The following ARNT variants were observed in gnomAD, a reference collection of about 807,000 sequenced individuals.
ARNT encodes the protein aryl hydrocarbon receptor nuclear translocator, also known as class E basic helix-loop-helix protein 2.
ARNT carries 30 observed loss-of-function variants against 105.0 expected under a neutral mutation model. That is an observed-to-expected ratio of 0.29 (90% CI 0.21 to 0.39). The LOEUF is 0.39. ARNT is among the 10% of genes least tolerant of loss of function. The probability of loss-of-function intolerance (pLI) is 1.00; values close to 1 mark genes in which losing one functional copy is unlikely to be tolerated. For synonymous variants in ARNT, 304 were observed against 344.0 expected (o/e 0.88, Z 1.29); for missense variants, 748 against 978.7 (o/e 0.76, Z 3.15).
Position 150,816,391 on chromosome 1 carries a change from G to A in ARNT, c.1818C>T (p.Ala606=). The A allele has an allele frequency of 6.2e-7, 1 of 1,605,452 alleles. No individual in the cohort carries two copies. The highest frequency in any genetic ancestry group is 8.5e-7 in the Non-Finnish European group (1 of 1,177,656). ...ATGGCTGGACAATGGTTACAGGAGG[G>A]GCTAGGCCACTATTCCTAGGAGTGA... is the stretch of plus-strand genomic sequence containing the variant. The part of the protein sequence containing the change: ...PAENFRNSGL[A]PPVTIVQPSA... The change falls in exon 19 of 22, where the codon GCC becomes GCT. Residue 606 remains alanine (A), a synonymous_variant. Coordinates refer to ENST00000358595, the MANE Select transcript of ARNT (RefSeq NM_001668.4).
chr1:150,856,691 A>T (rs749127284), intron 2 of ARNT, among the ~76,000 whole-genome samples: 133 of 152,282 alleles, frequency 8.7e-4, no homozygotes, highest in Non-Finnish European at 1.3e-3. Flanking sequence ...TGAACCAGAG[A>T]GGTGGAGATT....
At chr1:150,833,349 A>G (rs190345163) in intron 8 of ARNT, among the ~76,000 whole-genome samples, 107 of 152,126 alleles carry the variant, frequency 7.0e-4, no homozygotes, top group Admixed American at 2.1e-3. Flanking sequence ...CTAAAAATAC[A>G]AAAATTAGCC....
At chr1:150,812,230 T>A (rs1654878619) in intron 21 of ARNT, 120 bp from the exon 22 acceptor site, 6 of 625,438 alleles carry the variant, frequency 9.6e-6, no homozygotes, top group Non-Finnish European at 1.4e-5. Flanking sequence ...TGTGCTGAGC[T>A]CTTAGCCTTC....
At chr1:150,823,796 C>T (rs192309979) in intron 13 of ARNT, among the ~76,000 whole-genome samples, 5 of 143,996 alleles carry the variant, frequency 3.5e-5, no homozygotes, top group Admixed American at 1.4e-4. Context: ...GTGATCCGCC[C>T]GCCTCGGCCT....
intron 19 of ARNT, among the ~76,000 whole-genome samples, chr1:150,814,797 C>T (rs915578030): frequency 2.0e-5 from 3 of 152,088 alleles, no homozygotes; most frequent in Non-Finnish European, 4.4e-5. Context: ...GAGCCAAGAT[C>T]GCGCCACTGC....
Position 150,809,804 on chromosome 1 carries a change from C to T in ARNT, c.*2217G>A, listed in dbSNP as rs1199423217. On this transcript the variant is annotated 3_prime_UTR_variant, in exon 22 of 22. Transcript: ENST00000358595. ...TGGTTTTCAAGTCCCGACTCTTCCCCTCTCTCCCAAGAACCCAGGCAACGC... is the reference window on the plus strand; with the variant it reads ...TGGTTTTCAAGTCCCGACTCTTCCCTTCTCTCCCAAGAACCCAGGCAACGC... The T allele has an allele frequency of 1.4e-5, 3 of 221,148 alleles. No homozygotes were observed. Among genetic ancestry groups the T allele is most frequent in the Non-Finnish European group, 2.7e-5 (3 of 110,378 alleles). 13.7% of individuals were successfully genotyped at this position (221,148 alleles called of 1,614,324 possible).
chr1:150,834,505 A>G (rs1386162746), intron 8 of ARNT, 33 bp downstream of exon 8: 1 of 1,600,574 alleles, frequency 6.2e-7, no homozygotes, highest in African/African-American at 1.3e-5. Context: ...GATCCTTCCT[A>G]TACCAAATCA....
intron 1 of ARNT, among the ~76,000 whole-genome samples, chr1:150,862,836 A>G (rs1169780959): frequency 6.6e-6 from 1 of 151,904 alleles, no homozygotes; most frequent in Admixed American, 6.6e-5. Flanking sequence ...GCAGATCACG[A>G]CATCAGGAGT....
chr1:150,875,721 T>G (rs1668138942), intron 1 of ARNT, among the ~76,000 whole-genome samples: 1 of 152,238 alleles, frequency 6.6e-6, no homozygotes, highest in Non-Finnish European at 1.5e-5. Context: ...TACACCCTAC[T>G]CCATCTCTTA....
At chr1:150,870,682 ATT>A (rs368819686) in intron 1 of ARNT, among the ~76,000 whole-genome samples, 2 of 151,538 alleles carry the variant, frequency 1.3e-5, no homozygotes, top group African/African-American at 4.8e-5. Flanking sequence ...AATTTTTTGT[ATT>A]TTTTTGTACA....
chr1:150,829,858 C>A (rs749084006), intron 11 of ARNT, 46 bp downstream of exon 11: 2 of 1,580,428 alleles, frequency 1.3e-6, no homozygotes, highest in Non-Finnish European at 1.7e-6. Context: ...TCCTGAAGAT[C>A]TGCTCTAATT....
intron 1 of ARNT, among the ~76,000 whole-genome samples, chr1:150,867,906 A>G (rs1666872060): frequency 6.6e-6 from 1 of 152,042 alleles, no homozygotes; most frequent in Non-Finnish European, 1.5e-5. Flanking sequence ...CATGATTCCA[A>G]GTTTCCTGAG....
intron 14 of ARNT, among the ~76,000 whole-genome samples, chr1:150,820,400 C>T (rs1199427662): frequency 2.0e-5 from 3 of 152,184 alleles, no homozygotes; most frequent in Non-Finnish European, 2.9e-5. Context: ...CAGTGGCTTA[C>T]GCCTGTGATC....
chr1:150,843,260 T>G (rs1267777654), intron 4 of ARNT, among the ~76,000 whole-genome samples: 2 of 152,192 alleles, frequency 1.3e-5, no homozygotes, highest in South Asian at 2.1e-4. Context: ...TAAATTTTTC[T>G]AGAAAACTGA....
intron 4 of ARNT, among the ~76,000 whole-genome samples, chr1:150,845,996 C>T (rs1230859162): frequency 6.6e-6 from 1 of 152,168 alleles, no homozygotes. Context: ...ATAATTTGTG[C>T]TCCTATGGAA....
intron 7 of ARNT, chr1:150,834,986 G>C (rs139273417): frequency 2.3e-3 from 484 of 209,524 alleles, no homozygotes; most frequent in South Asian, 5.1e-3. Flanking sequence ...GTCATTGGTT[G>C]AAAAACAAGT....
At chr1:150,823,076 C>G (rs587706334) in intron 14 of ARNT, 118 bp downstream of exon 14, 2 of 1,080,396 alleles carry the variant, frequency 1.9e-6, no homozygotes, top group Admixed American at 2.9e-5. Context: ...GCCACCACGC[C>G]CGGCTAAATT....
chr1:150,823,714 C>T (rs1006798162), intron 13 of ARNT, among the ~76,000 whole-genome samples: 1 of 151,962 alleles, frequency 6.6e-6, no homozygotes, highest in Non-Finnish European at 1.5e-5. Flanking sequence ...CCACGCCCAG[C>T]TAATTTTTTG....
Position 150,876,551 on chromosome 1 carries a change from G to A in ARNT, c.17C>T (p.Ala6Val). The A allele has an allele frequency of 6.5e-7, 1 of 1,550,266 alleles. No individual in the cohort carries two copies. The highest frequency in any genetic ancestry group is 8.7e-7 in the Non-Finnish European group (1 of 1,147,644). The change falls in exon 1 of 22, where the codon GCC becomes GTC. Residue 6 changes from alanine (A) to valine (V), a missense_variant. Around this residue, in one of 4 missense-constraint regions of ARNT, gnomAD observed 93 missense variants for 101.6 expected, o/e 0.92. Transcript: ENST00000358595. MAATT[A>V]NPEMTSDVPS... is the part of the protein sequence containing the mutation. The stretch of plus-strand genomic sequence containing the variant: ...GTCCTCCGTCTCCTCACCGGGGTTG[G>A]CAGTAGTCGCCGCCATGGCCGCAGA...
Sources: gnomAD v4.1 joint callset for allele counts (sites outside exome capture counted in the v4.1 genomes callset) on GRCh38, gnomAD v4.1.1 for gene constraint, gnomAD v4.1.1 regional missense constraint, MANE v1.5 for transcripts, NCBI Gene and HGNC (gene_info 2026-07-23, HGNC 2026-07-21) for gene names.